Variants in HS6ST3 observed in about 807,000 individuals in gnomAD.
The protein encoded by HS6ST3 is heparan-sulfate 6-O-sulfotransferase 3.
In HS6ST3, 12 loss-of-function variants were observed where a neutral mutation model predicts 36.7. That is an observed-to-expected ratio of 0.33 (90% CI 0.21 to 0.53). HS6ST3 has a LOEUF of 0.53. Ranked by LOEUF, HS6ST3 falls within the 20% of genes least tolerant of loss-of-function variation. HS6ST3 has a pLI of 0.95. For missense variants in HS6ST3, 584 were observed against 640.9 expected (o/e 0.91, Z 0.96); for synonymous variants, 240 against 257.5 (o/e 0.93, Z 0.65).
chr13:96,541,240 T>C (rs2056176455), intron 1 of HS6ST3, among the ~76,000 whole-genome samples: 1 of 152,086 alleles, frequency 6.6e-6, no homozygotes, highest in African/African-American at 2.4e-5. Flanking sequence ...TTTCACCATG[T>C]TGGCCAGGCT....
chr13:96,708,303 A>G lies in HS6ST3; in HGVS notation c.708-124187A>G, dbSNP rs148321106. On this transcript the variant is annotated intron_variant, in intron 1 of 1. Coordinates refer to ENST00000376705, the MANE Select transcript of HS6ST3 (RefSeq NM_153456.4). ...CTTTGCATTAGGGTTTCTGAAAAAC[A>G]TGAGATCATATGAAAATCTGGACCT... Among the ~76,000 whole-genome samples the G allele has an allele frequency of 8.5e-3, 1,288 of 152,316 alleles. 18 individuals are homozygous for G. The highest frequency in any genetic ancestry group is 0.03 in the African/African-American group (1,228 of 41,554).
At chr13:96,552,554 T>C (rs1017466397) in intron 1 of HS6ST3, among the ~76,000 whole-genome samples, 1 of 152,168 alleles carries the variant, frequency 6.6e-6, no homozygotes, top group African/African-American at 2.4e-5. Context: ...GTGGATGTCA[T>C]CCTGCTGCCC....
chr13:96,639,367 T>A (rs2139005616), intron 1 of HS6ST3, among the ~76,000 whole-genome samples: 1 of 152,138 alleles, frequency 6.6e-6, no homozygotes, highest in Middle Eastern at 3.4e-3. Context: ...TTTTTGTTAC[T>A]GTTTGCATGA....
intron 1 of HS6ST3, among the ~76,000 whole-genome samples, chr13:96,717,809 C>G (rs1875740456): frequency 6.6e-6 from 1 of 152,176 alleles, no homozygotes; most frequent in African/African-American, 2.4e-5. Context: ...GAAGGGAATT[C>G]CGCACAAGGA....
chr13:96,668,575 CA>C (rs1308030045), intron 1 of HS6ST3, among the ~76,000 whole-genome samples: 2 of 151,374 alleles, frequency 1.3e-5, no homozygotes, highest in Non-Finnish European at 2.9e-5. Context: ...CCATTCCTGG[CA>C]AAATCTTATT....
At chr13:96,668,762 T>C (rs1180245105) in intron 1 of HS6ST3, among the ~76,000 whole-genome samples, 1 of 134,432 alleles carries the variant, frequency 7.4e-6, no homozygotes, top group Admixed American at 7.6e-5. Flanking sequence ...ACATTCAACC[T>C]ATTCATCTAG....
chr13:96,583,245 G>A (rs1321139273), intron 1 of HS6ST3, among the ~76,000 whole-genome samples: 2 of 78,374 alleles, frequency 2.6e-5, no homozygotes, highest in African/African-American at 1.1e-4. Context: ...ACGGAGTCTT[G>A]CTCTGTCACC....
chr13:96,091,603 C>G, intron 1 of HS6ST3, 34 bp downstream of exon 1: 2 of 1,523,128 alleles, frequency 1.3e-6, no homozygotes, highest in South Asian at 1.2e-5. Flanking sequence ...GTTCTTCCCC[C>G]CCACCCCCCA....
chr13:96,526,762 G>T (rs2138931642), intron 1 of HS6ST3, among the ~76,000 whole-genome samples: 1 of 152,264 alleles, frequency 6.6e-6, no homozygotes, highest in Middle Eastern at 3.4e-3. Context: ...GAAAGCAAAT[G>T]CTGTGATCTA....
chr13:96,467,250 C>T (rs553569016), intron 1 of HS6ST3, among the ~76,000 whole-genome samples: 1 of 152,218 alleles, frequency 6.6e-6, no homozygotes, highest in East Asian at 1.9e-4. Flanking sequence ...CTATGGGAAG[C>T]TATCTCTCAA....
At chr13:96,688,213 T>TATAATAATAATAATAATAATA (rs536989647) in intron 1 of HS6ST3, among the ~76,000 whole-genome samples, 52 of 75,080 alleles carry the variant, frequency 6.9e-4, no homozygotes, top group Middle Eastern at 7.1e-3. Context: ...GAACTTAAAG[T>TATAATAATAATAATAATAATA]ATAATAATAA....
At chr13:96,715,463 A>C (rs1421187315) in intron 1 of HS6ST3, among the ~76,000 whole-genome samples, 8 of 152,148 alleles carry the variant, frequency 5.3e-5, no homozygotes, top group African/African-American at 1.9e-4. Flanking sequence ...AATTTGATAA[A>C]CTTGGGATGT....
At chr13:96,474,991 G>T (rs945145608) in intron 1 of HS6ST3, among the ~76,000 whole-genome samples, 2 of 152,026 alleles carry the variant, frequency 1.3e-5, no homozygotes, top group African/African-American at 2.4e-5. Flanking sequence ...TGGGGAAGCA[G>T]TTGACAGTAA....
intron 1 of HS6ST3, among the ~76,000 whole-genome samples, chr13:96,800,992 C>T (rs1878052842): frequency 2.0e-5 from 3 of 152,122 alleles, no homozygotes; most frequent in Non-Finnish European, 4.4e-5. Context: ...CTTTAATTCT[C>T]AACCCAATCC....
At chr13:96,593,647 C>A (rs2138977224) in intron 1 of HS6ST3, among the ~76,000 whole-genome samples, 1 of 151,662 alleles carries the variant, frequency 6.6e-6, no homozygotes, top group East Asian at 2.0e-4. Flanking sequence ...TTACTTATTT[C>A]AATCATTTGT....
At chr13:96,824,833 A>G (rs1027700563) in intron 1 of HS6ST3, among the ~76,000 whole-genome samples, 1 of 152,202 alleles carries the variant, frequency 6.6e-6, no homozygotes, top group Non-Finnish European at 1.5e-5. Context: ...GATAAATGCT[A>G]TATATTTATT....
intron 1 of HS6ST3, among the ~76,000 whole-genome samples, chr13:96,666,635 G>A (rs1002240415): frequency 4.2e-4 from 64 of 151,802 alleles, no homozygotes; most frequent in Admixed American, 1.9e-3. Context: ...GTTGAACTTC[G>A]GCTTATTTCT....
chr13:96,665,772 TCTTATTATC>T (rs1261813059), intron 1 of HS6ST3, among the ~76,000 whole-genome samples: 1 of 152,158 alleles, frequency 6.6e-6, no homozygotes, highest in Non-Finnish European at 1.5e-5. Flanking sequence ...TACAATGGAC[TCTTATTATC>T]CTACAGGAAT....
At chr13:96,629,664 C>T (rs571598613) in intron 1 of HS6ST3, among the ~76,000 whole-genome samples, 1 of 152,072 alleles carries the variant, frequency 6.6e-6, no homozygotes, top group African/African-American at 2.4e-5. Flanking sequence ...AATATCTGTT[C>T]TTTATTTTCA....
Sources: allele counts gnomAD v4.1 joint callset (sites outside exome capture counted in the v4.1 genomes callset), GRCh38; gene constraint gnomAD v4.1.1; transcripts MANE v1.5; gene names NCBI Gene and HGNC (gene_info 2026-07-23, HGNC 2026-07-21).